The following CRYAB variants were observed in gnomAD, a reference collection of about 807,000 sequenced individuals.
CRYAB encodes crystallin alpha B.
CRYAB carries 9 observed loss-of-function variants against 12.7 expected under a neutral mutation model. The ratio of observed to expected loss-of-function variants is 0.71; its 90% CI spans 0.43 to 1.24. The LOEUF is 1.24. Ranked by LOEUF, CRYAB falls within the 50% of genes most tolerant of loss-of-function variation. CRYAB has a pLI of 0.00. For synonymous variants in CRYAB, 93 were observed against 86.8 expected (o/e 1.07, Z -0.40); for missense variants, 183 against 226.6 (o/e 0.81, Z 1.24).
chr11:111,923,022 G>GA (rs1197749543), intron 1 of CRYAB, among the ~76,000 whole-genome samples: 1 of 152,194 alleles, frequency 6.6e-6, no homozygotes, highest in Non-Finnish European at 1.5e-5. Context: ...TCTAACTTGA[G>GA]AACAGGCTCT....
upstream of CRYAB, chr11:111,912,275 T>A (rs1592510778): frequency 1.1e-5 from 2 of 187,298 alleles, no homozygotes; most frequent in Admixed American, 1.1e-4. Context: ...GCCATCTGCC[T>A]CGTGCCCTGG....
upstream of CRYAB, chr11:111,912,802 G>C (rs782660329): frequency 3.8e-6 from 6 of 1,566,332 alleles, no homozygotes; most frequent in African/African-American, 8.1e-5. Flanking sequence ...CTGCACCTCG[G>C]ACCAGGGCTT....
chr11:111,912,790 G>C (rs1965507278), upstream of CRYAB: 1 of 1,517,464 alleles, frequency 6.6e-7, no homozygotes, highest in Non-Finnish European at 9.0e-7. Flanking sequence ...CGCCTGTTGG[G>C]GCTGCACCTC....
chr11:111,917,647 TAA>T (rs782257276), upstream of CRYAB, among the ~76,000 whole-genome samples: 38 of 136,520 alleles, frequency 2.8e-4, no homozygotes, highest in Admixed American at 3.7e-4. Context: ...CACATTAATT[TAA>T]AAAAAAAAAA....
At chr11:111,921,111 A>ATGTCATGT (rs1555166536) in intron 1 of CRYAB, among the ~76,000 whole-genome samples, 1 of 152,256 alleles carries the variant, frequency 6.6e-6, no homozygotes, top group African/African-American at 2.4e-5. Flanking sequence ...GATCTGGAAG[A>ATGTCATGT]TGTCATGTTA....
intron 1 of CRYAB, chr11:111,919,022 G>T: frequency 6.2e-7 from 1 of 1,614,090 alleles, no homozygotes; most frequent in Non-Finnish European, 8.5e-7. Flanking sequence ...GGCTGGAAGG[G>T]CAAAGGGGAA....
At chr11:111,913,468 C>T, upstream of CRYAB, 1 of 1,611,418 alleles carries the variant, frequency 6.2e-7, no homozygotes, top group South Asian at 1.1e-5. Context: ...ATCCTGACCC[C>T]CACACTCTAC....
At chr11:111,913,684 T>A, upstream of CRYAB, 1 of 1,614,180 alleles carries the variant, frequency 6.2e-7, no homozygotes, top group Non-Finnish European at 8.5e-7. Context: ...CACGGCTTCG[T>A]GTCCCGAGAG....
chr11:111,914,864 C>A (rs782419001), upstream of CRYAB, among the ~76,000 whole-genome samples: 1 of 152,064 alleles, frequency 6.6e-6, no homozygotes, highest in Non-Finnish European at 1.5e-5. Context: ...TCACTTGAGC[C>A]CAAGAGTAAG....
intron 2 of CRYAB, 112 bp downstream of exon 2, chr11:111,910,215 T>A: frequency 1.5e-6 from 2 of 1,319,126 alleles, no homozygotes; most frequent in Non-Finnish European, 2.2e-6. Context: ...TGATCCCGAC[T>A]GTTATGGCTT....
chr11:111,918,334 G>T (rs919368797), upstream of CRYAB, among the ~76,000 whole-genome samples: 5 of 152,206 alleles, frequency 3.3e-5, no homozygotes, highest in Non-Finnish European at 5.9e-5. Context: ...CCAGAAAGGG[G>T]ATTAGATTCA....
chr11:111,912,223 A>C, upstream of CRYAB: 1 of 193,272 alleles, frequency 5.2e-6, no homozygotes, highest in Non-Finnish European at 1.1e-5. Context: ...ACTCTTTGTG[A>C]GTCCTTGGAA....
At chr11:111,919,109 G>GCC (rs1965645435) in intron 1 of CRYAB, 1 of 1,265,770 alleles carries the variant, frequency 7.9e-7, no homozygotes. Context: ...GCCTCCCACT[G>GCC]CCACCTTCCT....
chr11:111,916,499 A>G (rs932546095), upstream of CRYAB, among the ~76,000 whole-genome samples: 15 of 152,250 alleles, frequency 9.9e-5, no homozygotes, highest in Non-Finnish European at 1.9e-4. Context: ...TTGGGGTTAC[A>G]GGCGTGAGCC....
At position 111,911,660 on chromosome 11, in the gene CRYAB, C is replaced by T. The variant is rs782316391; in HGVS notation, c.65G>A (p.Arg22His). The T allele has an allele frequency of 2.5e-5, 40 of 1,608,564 alleles. No individual in the cohort carries two copies. The highest frequency in any genetic ancestry group is 1.6e-4 in the Middle Eastern group (1 of 6,078). Reference sequence around the variant, plus strand: ...CTCTCCGAAGAACTGGTCAAAGAGGCGGCTGGGGGAGTGGAAAGGAAAGAA... The same window carrying T: ...CTCTCCGAAGAACTGGTCAAAGAGGTGGCTGGGGGAGTGGAAAGGAAAGAA... ...RPFFPFHSPS[R>H]LFDQFFGEHL... Residue 22 changes from arginine (R) to histidine (H), a missense_variant, in exon 1 of 3, where the codon CGC becomes CAC. Arg to His is a conservative substitution (Grantham distance 29). Coordinates refer to ENST00000650687, the MANE Select transcript of CRYAB (RefSeq NM_001289808.2).
Position 111,911,608 on chromosome 11 carries a change from C to G in CRYAB, c.117G>C (p.Pro39=). 1 of 1,612,904 alleles carries G rather than the reference C, an allele frequency of 6.2e-7. No individual in the cohort carries two copies. Among genetic ancestry groups the G allele is most frequent in the Non-Finnish European group, 8.5e-7 (1 of 1,179,670 alleles). ...GEHLLESDLF[P]TSTSLSPFYL... ...AGAAGGGACTCAGGGAAGTAGACGT[C>G]GGGAAAAGATCAGACTCCAACAGGT... is the stretch of plus-strand genomic sequence containing the variant. The change falls in exon 1 of 3, where the codon CCG becomes CCC. Residue 39 remains proline (P), a synonymous_variant. Transcript: ENST00000650687.
intron 1 of CRYAB, among the ~76,000 whole-genome samples, chr11:111,922,219 A>C (rs1307953858): frequency 6.6e-6 from 1 of 152,202 alleles, no homozygotes; most frequent in Non-Finnish European, 1.5e-5. Context: ...TGACCTCATC[A>C]GTCTGACTCT....
upstream of CRYAB, among the ~76,000 whole-genome samples, chr11:111,917,117 G>A (rs1340229078): frequency 5.3e-5 from 8 of 152,162 alleles, no homozygotes; most frequent in African/African-American, 1.7e-4. Flanking sequence ...TCTTGCCTCA[G>A]TCTCCCAAAG....
chr11:111,919,148 A>G lies in CRYAB; in HGVS notation c.-199+4555T>C, dbSNP rs1965645958. On this transcript the variant is annotated intron_variant, in intron 1 of 3. Coordinates refer to the CRYAB transcript ENST00000527950. The stretch of plus-strand genomic sequence containing the variant: ...CCTGGTACCTCCTTGTTCCAACACC[A>G]GAGCAGCACCTCCTTTCAGGAGGCC... 3.3e-6 allele frequency: 3 copies of G among 904,202 alleles called. No homozygotes were observed. In the Admixed American group the frequency reaches 6.9e-5, roughly 21 times the overall value. 56.0% of individuals were successfully genotyped at this position (904,202 alleles called of 1,614,324 possible). A position where few individuals can be genotyped will look rare whatever the true frequency, so the allele number is the denominator to read the frequency against.
Sources: gnomAD v4.1 joint callset for allele counts (sites outside exome capture counted in the v4.1 genomes callset) on GRCh38, gnomAD v4.1.1 for gene constraint, MANE v1.5 for transcripts, NCBI Gene and HGNC (gene_info 2026-07-23, HGNC 2026-07-21) for gene names.